The following EBF1 variants were observed in gnomAD, a reference collection of about 807,000 sequenced individuals.
EBF1 encodes the protein EBF transcription factor 1, also known as transcription factor COE1.
In EBF1, 10 loss-of-function variants were observed where a neutral mutation model predicts 68.4. The observed-to-expected ratio is 0.15, with a 90% CI of 0.09 to 0.25. EBF1 has a LOEUF of 0.25. Ranked by LOEUF, EBF1 falls within the 10% of genes least tolerant of loss-of-function variation. The probability of loss-of-function intolerance (pLI) is 1.00; values close to 1 mark genes in which losing one functional copy is unlikely to be tolerated. For synonymous variants in EBF1, 298 were observed against 299.8 expected, an observed-to-expected ratio of 0.99 and a Z score of 0.06; for missense variants, 509 against 794.4, an observed-to-expected ratio of 0.64 and a Z score of 4.32.
At chr5:159,055,305 A>C (rs1339570516) in intron 6 of EBF1, among the ~76,000 whole-genome samples, 1 of 152,246 alleles carries the variant, frequency 6.6e-6, no homozygotes, top group African/African-American at 2.4e-5. Context: ...AGGTAACCTT[A>C]AAGATCCTAA....
At chr5:158,974,774 T>G (rs1184536688) in intron 6 of EBF1, among the ~76,000 whole-genome samples, 1 of 152,178 alleles carries the variant, frequency 6.6e-6, no homozygotes, top group African/African-American at 2.4e-5. Flanking sequence ...ATTTCTGACC[T>G]GGGAGATTAT....
chr5:158,713,977 C>T, intron 12 of EBF1, 140 bp downstream of exon 12: 8 of 779,008 alleles, frequency 1.0e-5, no homozygotes, highest in Non-Finnish European at 1.3e-5. Context: ...CATCTTGCAA[C>T]ATGTTATATC....
intron 4 of EBF1, among the ~76,000 whole-genome samples, chr5:159,085,200 T>C (rs917875123): frequency 6.6e-6 from 1 of 152,176 alleles, no homozygotes; most frequent in Non-Finnish European, 1.5e-5. Context: ...AGAAAACAAG[T>C]GTAGGTGAAC....
chr5:158,778,756 T>C (rs1220699113), intron 9 of EBF1, among the ~76,000 whole-genome samples: 1 of 152,110 alleles, frequency 6.6e-6, no homozygotes, highest in Non-Finnish European at 1.5e-5. Context: ...TGTTCCTTCT[T>C]GAAACAAGAA....
At chr5:159,005,254 C>G (rs1191652492) in intron 6 of EBF1, among the ~76,000 whole-genome samples, 1 of 152,192 alleles carries the variant, frequency 6.6e-6, no homozygotes, top group African/African-American at 2.4e-5. Context: ...TGAAGCTCCA[C>G]CTACTACTGC....
At position 158,758,745 on chromosome 5, in the gene EBF1, A is replaced by G. The variant is rs574225168; in HGVS notation, c.1036+18668T>C. 6.6e-5 allele frequency among the ~76,000 whole-genome samples: 10 copies of G among 152,302 alleles called. No homozygotes were observed. The East Asian group carries it at 1.9e-3, about 29-fold the overall frequency. ...AAACTGAGATGACGTGACATCATTT[A>G]CTGTATTTGTACTTCCCAAACATGG... On this transcript the variant is annotated intron_variant, in intron 10 of 15. Coordinates refer to ENST00000313708, the MANE Select transcript of EBF1 (RefSeq NM_024007.5).
At chr5:159,015,952 C>G (rs1363673731) in intron 6 of EBF1, among the ~76,000 whole-genome samples, 1 of 152,234 alleles carries the variant, frequency 6.6e-6, no homozygotes, top group African/African-American at 2.4e-5. Context: ...TTGAGCACCA[C>G]TGAGCTGGAC....
chr5:158,700,121 A>AT lies in EBF1; in HGVS notation c.1745-980dup, dbSNP rs202001886. On this transcript the variant is annotated intron_variant, in intron 15 of 15. Coordinates refer to ENST00000313708, the MANE Select transcript of EBF1 (RefSeq NM_024007.5). The stretch of plus-strand genomic sequence containing the variant: ...GACCTGATAGACGTTAGCTGCTGGG[A>AT]TTTTTAACCCATCACTTCTGCTACT... 4.8e-3 allele frequency among the ~76,000 whole-genome samples: 728 copies of AT among 152,314 alleles called. 8 individuals are homozygous for AT. The highest frequency in any genetic ancestry group is 0.016 in the African/African-American group (676 of 41,580).
chr5:158,877,198 G>A (rs971678687), intron 6 of EBF1, among the ~76,000 whole-genome samples: 1 of 152,176 alleles, frequency 6.6e-6, no homozygotes, highest in Admixed American at 6.5e-5. Context: ...AGGAAATCCA[G>A]TAACTGAATA....
chr5:158,772,620 G>C (rs1214982477), intron 10 of EBF1, among the ~76,000 whole-genome samples: 2 of 152,038 alleles, frequency 1.3e-5, no homozygotes, highest in African/African-American at 2.4e-5. Context: ...TTTACACTTT[G>C]CTCCTTTTAT....
At chr5:159,033,513 T>C (rs1371717594) in intron 6 of EBF1, among the ~76,000 whole-genome samples, 7 of 152,216 alleles carry the variant, frequency 4.6e-5, no homozygotes, top group Non-Finnish European at 8.8e-5. Context: ...AGAAAGACTT[T>C]ACACAAAAGT....
At chr5:158,973,533 C>G (rs1021827402) in intron 6 of EBF1, among the ~76,000 whole-genome samples, 1 of 152,000 alleles carries the variant, frequency 6.6e-6, no homozygotes, top group Non-Finnish European at 1.5e-5. Flanking sequence ...AGATATTTGG[C>G]GTCCTCCCTT....
intron 4 of EBF1, among the ~76,000 whole-genome samples, chr5:159,087,431 C>CATAT (rs147006691): frequency 3.4e-5 from 5 of 147,470 alleles, no homozygotes; most frequent in South Asian, 2.1e-4. Context: ...TATATACACA[C>CATAT]ATATATATAC....
chr5:159,051,506 G>C (rs1348178341), intron 6 of EBF1, among the ~76,000 whole-genome samples: 1 of 147,278 alleles, frequency 6.8e-6, no homozygotes, highest in East Asian at 2.0e-4. Context: ...TTCGGCTTTC[G>C]CTGGCGACAA....
chr5:159,092,660 C>T lies in EBF1; in HGVS notation c.411+2960G>A, dbSNP rs575913452. On this transcript the variant is annotated intron_variant, in intron 4 of 15. Transcript: ENST00000313708. ...TTTTAAATTTTGCTTGTCCAAAATT[C>T]CTTTTGAGTTTTAACCCCACTTTCT... Among the ~76,000 whole-genome samples the T allele has an allele frequency of 8.6e-4, 131 of 152,228 alleles. 1 individual carries two copies. Among genetic ancestry groups the T allele is most frequent in the African/African-American group, 3.0e-3 (126 of 41,526 alleles).
intron 6 of EBF1, among the ~76,000 whole-genome samples, chr5:158,928,781 CA>C (rs1223977651): frequency 6.6e-6 from 1 of 152,100 alleles, no homozygotes; most frequent in African/African-American, 2.4e-5. Flanking sequence ...TTATTTGAAA[CA>C]AGGTAAAACA....
intron 5 of EBF1, among the ~76,000 whole-genome samples, chr5:159,083,646 G>A (rs1409117296): frequency 6.6e-6 from 1 of 152,130 alleles, no homozygotes; most frequent in African/African-American, 2.4e-5. Flanking sequence ...GAGTTTTAAG[G>A]TTGCTTTCCC....
intron 9 of EBF1, among the ~76,000 whole-genome samples, chr5:158,792,161 T>C (rs533677095): frequency 1.3e-5 from 2 of 152,266 alleles, no homozygotes; most frequent in Admixed American, 6.5e-5. Context: ...ACTAAAACAA[T>C]TTTTTAAAAG....
chr5:158,792,024 G>C (rs562248770), intron 9 of EBF1, among the ~76,000 whole-genome samples: 1 of 152,170 alleles, frequency 6.6e-6, no homozygotes, highest in African/African-American at 2.4e-5. Context: ...GCCCCTCCCT[G>C]CTCCAAATCA....
Sources: allele counts gnomAD v4.1 joint callset (sites outside exome capture counted in the v4.1 genomes callset), GRCh38; gene constraint gnomAD v4.1.1; transcripts MANE v1.5; gene names NCBI Gene and HGNC (gene_info 2026-07-23, HGNC 2026-07-21).